RICTOR: variants seen among roughly 807,000 people sequenced by gnomAD.
RICTOR encodes rapamycin-insensitive companion of mTOR.
RICTOR carries 49 observed loss-of-function variants against 214.9 expected under a neutral mutation model. The ratio of observed to expected loss-of-function variants is 0.23; its 90% CI spans 0.18 to 0.29. The LOEUF is 0.29. RICTOR is among the 10% of genes least tolerant of loss of function. The pLI is 1.00. For synonymous variants in RICTOR, 717 were observed against 711.3 expected, an observed-to-expected ratio of 1.01 and a Z score of -0.13; for missense variants, 1,625 against 2,047.0, an observed-to-expected ratio of 0.79 and a Z score of 3.98.
Position 38,988,970 on chromosome 5 carries a change from G to T in RICTOR, c.583+1979C>A, listed in dbSNP as rs149403171. 3.2e-3 allele frequency among the ~76,000 whole-genome samples: 487 copies of T among 152,112 alleles called. 6 individuals carry two copies. Among genetic ancestry groups the T allele is most frequent in the African/African-American group, 0.011 (469 of 41,500 alleles). ...AATTTATAGATTCAAAGCTATCCCC[G>T]TCAAGCTACCACTGGCTTTCTTCAC... is the stretch of plus-strand genomic sequence containing the variant. On this transcript the variant is annotated intron_variant, in intron 7 of 37. Coordinates refer to ENST00000357387, the MANE Select transcript of RICTOR (RefSeq NM_152756.5).
chr5:38,994,127 T>C (rs1353317468), intron 6 of RICTOR, among the ~76,000 whole-genome samples: 1 of 151,776 alleles, frequency 6.6e-6, no homozygotes, highest in Non-Finnish European at 1.5e-5. Context: ...GAGGTGGAGC[T>C]TGCAGTGAGC....
At chr5:38,954,497 C>T (rs1243797495) in intron 27 of RICTOR, among the ~76,000 whole-genome samples, 1 of 151,854 alleles carries the variant, frequency 6.6e-6, no homozygotes, top group Non-Finnish European at 1.5e-5. Flanking sequence ...AAAAAAAGAA[C>T]TCAGATCTTC....
rs1158980286 is a variant in RICTOR, at chr5:38,939,110, G to T, written c.*3194C>A. Reference sequence around the variant, plus strand: ...TATAATTTGAATGACAGACAATTTGGTTTTTATTGCTTAATGATCTGTGCT... The same window carrying T: ...TATAATTTGAATGACAGACAATTTGTTTTTTATTGCTTAATGATCTGTGCT... On this transcript the variant is annotated 3_prime_UTR_variant, in exon 38 of 38. Coordinates refer to ENST00000357387, the MANE Select transcript of RICTOR (RefSeq NM_152756.5). The T allele has an allele frequency of 8.6e-6, 2 of 232,900 alleles. No homozygotes were observed. The highest frequency in any genetic ancestry group is 2.2e-5 in the African/African-American group (1 of 45,300). 14.4% of individuals were successfully genotyped at this position (232,900 alleles called of 1,614,324 possible).
At chr5:39,070,339 G>GGC (rs1759220971) in intron 2 of RICTOR, among the ~76,000 whole-genome samples, 1 of 151,982 alleles carries the variant, frequency 6.6e-6, no homozygotes, top group African/African-American at 2.4e-5. Context: ...CGCGGTGGCG[G>GGC]GCGCCTGTAG....
intron 17 of RICTOR, 74 bp downstream of exon 17, chr5:38,962,802 T>A: frequency 8.0e-7 from 1 of 1,245,746 alleles, no homozygotes; most frequent in Non-Finnish European, 1.2e-6. Context: ...CTCAAATACA[T>A]GCATACTAAA....
intron 2 of RICTOR, among the ~76,000 whole-genome samples, chr5:39,040,796 C>G (rs984225240): frequency 2.6e-5 from 4 of 152,038 alleles, no homozygotes; most frequent in African/African-American, 9.7e-5. Context: ...ATGTTTTATT[C>G]AGTTATAAAT....
At chr5:39,037,202 T>C (rs1756782827) in intron 2 of RICTOR, among the ~76,000 whole-genome samples, 1 of 152,118 alleles carries the variant, frequency 6.6e-6, no homozygotes, top group Admixed American at 6.5e-5. Flanking sequence ...CTAAACAACC[T>C]GCTCCTGAAT....
intron 27 of RICTOR, 85 bp from the exon 28 acceptor site, chr5:38,953,638 GTTTGT>G: frequency 2.3e-6 from 1 of 441,876 alleles, no homozygotes; most frequent in Non-Finnish European, 3.8e-6. Context: ...CCAGTATAAC[GTTTGT>G]TTTTTGTCAT....
chr5:39,028,496 ACT>A (rs1307844288), intron 2 of RICTOR, among the ~76,000 whole-genome samples: 1 of 152,140 alleles, frequency 6.6e-6, no homozygotes, highest in Admixed American at 6.5e-5. Flanking sequence ...ATTCTTACAC[ACT>A]GTTGGAGGAG....
chr5:39,067,784 T>A (rs986791353), intron 2 of RICTOR, among the ~76,000 whole-genome samples: 1 of 152,234 alleles, frequency 6.6e-6, no homozygotes, highest in Non-Finnish European at 1.5e-5. Flanking sequence ...CTCCATTTTA[T>A]GGCACCATCA....
chr5:38,949,340 C>A, intron 31 of RICTOR: 1 of 1,513,328 alleles, frequency 6.6e-7, no homozygotes, highest in Non-Finnish European at 8.8e-7. Context: ...ACTTTTGGAG[C>A]CTTAAATTGA....
intron 17 of RICTOR, 73 bp from the exon 18 acceptor site, chr5:38,962,659 GA>G (rs912462725): frequency 4.4e-5 from 40 of 913,482 alleles, no homozygotes; most frequent in Middle Eastern, 2.5e-4. Flanking sequence ...GTTCAAATTT[GA>G]AAAAATGAAA....
At chr5:39,030,362 G>C (rs1561550420) in intron 2 of RICTOR, among the ~76,000 whole-genome samples, 2 of 151,984 alleles carry the variant, frequency 1.3e-5, no homozygotes, top group Admixed American at 6.6e-5. Context: ...TAACTCAACA[G>C]GCCACTATGT....
chr5:39,051,743 ACT>A (rs1053033821), intron 2 of RICTOR, among the ~76,000 whole-genome samples: 4 of 139,250 alleles, frequency 2.9e-5, no homozygotes, highest in African/African-American at 7.9e-5. Context: ...ACGGAGCCAG[ACT>A]CTGTCTCAAA....
chr5:38,981,244 A>G (rs950714337), intron 8 of RICTOR: 1 of 152,230 alleles, frequency 6.6e-6, no homozygotes, highest in Non-Finnish European at 1.5e-5. Context: ...GACTCCAAAT[A>G]CTATATTCAA....
chr5:39,060,131 T>TA (rs1444623772), intron 2 of RICTOR, among the ~76,000 whole-genome samples: 2 of 152,136 alleles, frequency 1.3e-5, no homozygotes, highest in African/African-American at 4.8e-5. Context: ...CTATCCATAT[T>TA]ACATACGTAT....
At chr5:38,967,877 AG>A (rs1171455393) in intron 12 of RICTOR, 65 bp downstream of exon 12, 10 of 780,518 alleles carry the variant, frequency 1.3e-5, no homozygotes, top group Admixed American at 1.1e-4. Flanking sequence ...TTCTCCTTTT[AG>A]GAACTGTCTC....
At position 38,978,582 on chromosome 5, in the gene RICTOR, C is replaced by T. The variant is rs2150054777; in HGVS notation, c.821+1G>A. On this transcript the variant is annotated splice_donor_variant, in intron 9 of 37. Coordinates refer to ENST00000357387, the MANE Select transcript of RICTOR (RefSeq NM_152756.5). LOFTEE classifies it high-confidence loss of function. ...AATTATTAGGAACCAATGTTACTTA[C>T]TTGAGCTGTCCTTCAGCTGTATCTG... The T allele has an allele frequency of 1.3e-6, 2 of 1,521,876 alleles. No individual in the cohort carries two copies. Among genetic ancestry groups the T allele is most frequent in the Non-Finnish European group, 1.8e-6 (2 of 1,104,612 alleles). The allele number at this position is 1,521,876 out of a possible 1,614,324, so 94.3% of individuals were successfully genotyped here.
intron 2 of RICTOR, among the ~76,000 whole-genome samples, chr5:39,068,805 A>T (rs1343190578): frequency 6.6e-6 from 1 of 152,222 alleles, no homozygotes; most frequent in Admixed American, 6.5e-5. Flanking sequence ...GCAGATCTCT[A>T]GCTTGAATAA....
Sources: allele counts gnomAD v4.1 joint callset (sites outside exome capture counted in the v4.1 genomes callset), GRCh38; gene constraint gnomAD v4.1.1; transcripts MANE v1.5; gene names NCBI Gene and HGNC (gene_info 2026-07-23, HGNC 2026-07-21).